DPP6: variants seen among roughly 807,000 people sequenced by gnomAD.
DPP6 encodes dipeptidyl peptidase like 6.
Under a neutral mutation model 122.6 loss-of-function variants are expected in DPP6, and 69 were observed. The observed-to-expected ratio is 0.56, with a 90% confidence interval of 0.46 to 0.69. The LOEUF is 0.69. Among genes scored for constraint, DPP6 ranks in the 30% least tolerant of loss-of-function variants. DPP6 has a pLI of 0.00. For synonymous variants in DPP6, 418 were observed against 433.1 expected (o/e 0.97, Z 0.43); for missense variants, 928 against 1,116.9 (o/e 0.83, Z 2.41).
chr7:154,219,023 T>C (rs187040511), intron 1 of DPP6, among the ~76,000 whole-genome samples: 33 of 152,350 alleles, frequency 2.2e-4, no homozygotes, highest in Admixed American at 2.0e-3. Context: ...CTTTGGGAAC[T>C]GTGTATTCTG....
the DPP6 span, among the ~76,000 whole-genome samples, chr7:153,829,625 T>A: frequency 1.1e-4 from 16 of 152,202 alleles, no homozygotes; most frequent in Admixed American, 1.0e-3. Context: ...GAGCATTTAC[T>A]GTGTGACGGG....
At chr7:154,702,817 C>T (rs1840597630) in intron 7 of DPP6, among the ~76,000 whole-genome samples, 1 of 152,210 alleles carries the variant, frequency 6.6e-6, no homozygotes, top group Admixed American at 6.5e-5. Context: ...GATGGCTACA[C>T]CAAACAACAG....
At chr7:154,359,374 C>T (rs1382235583) in intron 1 of DPP6, among the ~76,000 whole-genome samples, 2 of 152,136 alleles carry the variant, frequency 1.3e-5, no homozygotes, top group East Asian at 3.9e-4. Context: ...GGTGAGAAAA[C>T]CAGGATGGGC....
chr7:154,535,897 A>G (rs1333709157), intron 3 of DPP6, among the ~76,000 whole-genome samples: 1 of 152,188 alleles, frequency 6.6e-6, no homozygotes, highest in Non-Finnish European at 1.5e-5. Flanking sequence ...AATGATGTGC[A>G]TGTGACTCTT....
At chr7:154,710,063 TATTC>T (rs1841083669) in intron 7 of DPP6, among the ~76,000 whole-genome samples, 1 of 152,210 alleles carries the variant, frequency 6.6e-6, no homozygotes, top group South Asian at 2.1e-4. Context: ...TCTCCTGCAG[TATTC>T]AATGCTGCTG....
chr7:154,275,410 G>A (rs999678836), intron 1 of DPP6, among the ~76,000 whole-genome samples: 19 of 152,112 alleles, frequency 1.2e-4, no homozygotes, highest in African/African-American at 4.6e-4. Flanking sequence ...GGCCCAAAGA[G>A]CGGAACAAAG....
intron 6 of DPP6, among the ~76,000 whole-genome samples, chr7:154,662,905 T>C (rs1318180025): frequency 3.7e-5 from 2 of 54,020 alleles, no homozygotes; most frequent in Admixed American, 2.5e-4. Context: ...CATGGCATAT[T>C]CGCCGTAGTG....
intron 1 of DPP6, among the ~76,000 whole-genome samples, chr7:153,912,737 T>C (rs1055380412): frequency 1.3e-5 from 2 of 152,004 alleles, no homozygotes; most frequent in Non-Finnish European, 2.9e-5. Context: ...GGGGAGAAAA[T>C]GAAAGTTTTC....
intron 20 of DPP6, 78 bp downstream of exon 20, chr7:154,876,178 CG>C (rs1804836019): frequency 7.0e-7 from 1 of 1,431,888 alleles, no homozygotes; most frequent in African/African-American, 1.4e-5. Flanking sequence ...AGTCACAGTG[CG>C]GGAATGCTTT....
chr7:154,690,980 G>T (rs1261418506), intron 7 of DPP6, among the ~76,000 whole-genome samples: 1 of 152,222 alleles, frequency 6.6e-6, no homozygotes, highest in East Asian at 1.9e-4. Flanking sequence ...GTAAAACATA[G>T]AACATTTCTC....
intron 6 of DPP6, among the ~76,000 whole-genome samples, chr7:154,644,076 C>A (rs1477680203): frequency 2.6e-5 from 4 of 152,092 alleles, no homozygotes; most frequent in African/African-American, 9.7e-5. Flanking sequence ...AGAGTGCAGA[C>A]AACTGAAATA....
At chr7:153,875,202 A>G in the DPP6 span, among the ~76,000 whole-genome samples, 3 of 152,234 alleles carry the variant, frequency 2.0e-5, no homozygotes, top group African/African-American at 7.2e-5. Flanking sequence ...AGATGGAGAC[A>G]TGACATTGTC....
chr7:154,017,729 A>T (rs1460548676), intron 1 of DPP6, among the ~76,000 whole-genome samples: 2 of 125,318 alleles, frequency 1.6e-5, no homozygotes, highest in Non-Finnish European at 3.3e-5. Flanking sequence ...TAAAAAAATA[A>T]AAAAAAAAAA....
chr7:154,854,260 C>G (rs1170995457), intron 17 of DPP6, among the ~76,000 whole-genome samples: 1 of 152,144 alleles, frequency 6.6e-6, no homozygotes, highest in African/African-American at 2.4e-5. Flanking sequence ...CCATGCTGCA[C>G]AGGATATCAG....
intron 1 of DPP6, among the ~76,000 whole-genome samples, chr7:154,098,852 A>C (rs1354444858): frequency 6.6e-6 from 1 of 152,200 alleles, no homozygotes; most frequent in Non-Finnish European, 1.5e-5. Context: ...TGCACTAGTA[A>C]ATGTCCACTT....
At chr7:154,166,420 G>T (rs1797251367) in intron 1 of DPP6, among the ~76,000 whole-genome samples, 2 of 152,132 alleles carry the variant, frequency 1.3e-5, no homozygotes, top group African/African-American at 4.8e-5. Context: ...CATTGCGGGA[G>T]CACTGTGCAT....
At chr7:154,052,106 G>A (rs1470846596), upstream of DPP6, among the ~76,000 whole-genome samples, 5 of 108,082 alleles carry the variant, frequency 4.6e-5, no homozygotes, top group Non-Finnish European at 6.6e-5. The surrounding 1 kb of genome is among the most constrained non-coding windows in gnomAD (Gnocchi z 4.8). Flanking sequence ...GTCCGCTCGC[G>A]TGCTGCGGGG....
intron 10 of DPP6, among the ~76,000 whole-genome samples, chr7:154,779,479 T>G (rs1208671291): frequency 1.3e-5 from 2 of 152,178 alleles, no homozygotes; most frequent in African/African-American, 4.8e-5. Flanking sequence ...CCTGTCACAT[T>G]TACAATGACC....
intron 1 of DPP6, among the ~76,000 whole-genome samples, chr7:154,294,186 G>A (rs928759780): frequency 2.0e-5 from 3 of 152,186 alleles, no homozygotes; most frequent in Non-Finnish European, 4.4e-5. Flanking sequence ...GCCGGGCAGA[G>A]AAGTGGTCAG....
Sources: allele counts gnomAD v4.1 joint callset (sites outside exome capture counted in the v4.1 genomes callset), GRCh38; gene constraint gnomAD v4.1.1; non-coding constraint Gnocchi (gnomAD v3.1); transcripts MANE v1.5; gene names NCBI Gene and HGNC (gene_info 2026-07-23, HGNC 2026-07-21).